GLIS3: variants seen among roughly 807,000 people sequenced by gnomAD.
GLIS3 encodes the protein zinc finger protein GLIS3.
Under a neutral mutation model 78.6 loss-of-function variants are expected in GLIS3, and 53 were observed. The ratio of observed to expected loss-of-function variants is 0.67; its 90% CI spans 0.54 to 0.85. The LOEUF (loss-of-function observed/expected upper bound fraction) is 0.85, where lower values mean the gene tolerates loss of function less well. Ranked by LOEUF, GLIS3 falls within the 40% of genes least tolerant of loss-of-function variation. GLIS3 has a pLI of 0.00. For missense variants in GLIS3, 1,703 were observed against 1,231.1 expected, an observed-to-expected ratio of 1.38 and a Z score of -5.74; for synonymous variants, 684 against 509.9, an observed-to-expected ratio of 1.34 and a Z score of -4.60.
chr9:3,980,751 G>C (rs1819198734), intron 4 of GLIS3, among the ~76,000 whole-genome samples: 1 of 152,118 alleles, frequency 6.6e-6, no homozygotes, highest in African/African-American at 2.4e-5. Context: ...AGAAAGTATT[G>C]CTCTTGGCCC....
intron 2 of GLIS3, among the ~76,000 whole-genome samples, chr9:4,313,787 C>T (rs1321642103): frequency 6.6e-6 from 1 of 152,346 alleles, no homozygotes; most frequent in Admixed American, 6.5e-5. Context: ...GTCTCAAGTG[C>T]ACGTGGACTT....
At chr9:4,416,812 GTT>G in the GLIS3 span, among the ~76,000 whole-genome samples, 58 of 95,802 alleles carry the variant, frequency 6.1e-4, no homozygotes, top group South Asian at 2.7e-3. Flanking sequence ...CCCATAGTCA[GTT>G]TTTTTTTTTT....
chr9:3,999,272 G>C (rs1820963284), intron 4 of GLIS3, among the ~76,000 whole-genome samples: 1 of 152,152 alleles, frequency 6.6e-6, no homozygotes, highest in Admixed American at 6.6e-5. Flanking sequence ...ATTTGTAGAG[G>C]TGTTTCATCA....
the GLIS3 span, among the ~76,000 whole-genome samples, chr9:4,450,106 A>C: frequency 6.6e-6 from 1 of 152,206 alleles, no homozygotes; most frequent in South Asian, 2.1e-4. Flanking sequence ...TTGAAAAAAG[A>C]TAAGATGAAT....
At chr9:3,991,904 A>T (rs963161445) in intron 4 of GLIS3, among the ~76,000 whole-genome samples, 19 of 151,852 alleles carry the variant, frequency 1.3e-4, no homozygotes, top group South Asian at 2.1e-4. Flanking sequence ...ATTGGCCAGG[A>T]CAGTCTTGAT....
At chr9:4,027,417 G>C (rs1823437575) in intron 4 of GLIS3, among the ~76,000 whole-genome samples, 1 of 152,170 alleles carries the variant, frequency 6.6e-6, no homozygotes, top group Non-Finnish European at 1.5e-5. Flanking sequence ...TTTGGTAAAG[G>C]ACAATCAGTT....
At chr9:4,434,113 G>C in the GLIS3 span, among the ~76,000 whole-genome samples, 1 of 126,344 alleles carries the variant, frequency 7.9e-6, no homozygotes. Context: ...AAAAAAAAAA[G>C]AATGGTCTAC....
intron 2 of GLIS3, among the ~76,000 whole-genome samples, chr9:4,231,392 A>C (rs945012495): frequency 3.3e-5 from 5 of 152,212 alleles, no homozygotes; most frequent in African/African-American, 4.8e-5. Flanking sequence ...GTTCGGTTGA[A>C]AGGCCTGTAA....
the GLIS3 span, among the ~76,000 whole-genome samples, chr9:4,455,907 G>C: frequency 6.6e-6 from 1 of 152,128 alleles, no homozygotes; most frequent in South Asian, 2.1e-4. Flanking sequence ...GAAATTAGGA[G>C]TTCAAGACCA....
At chr9:3,993,754 A>G (rs903114073) in intron 4 of GLIS3, among the ~76,000 whole-genome samples, 8 of 152,248 alleles carry the variant, frequency 5.3e-5, no homozygotes, top group African/African-American at 1.4e-4. Context: ...GCAAATGGCT[A>G]TACCATAATT....
At chr9:4,327,151 T>G (rs1817612997) in intron 2 of GLIS3, among the ~76,000 whole-genome samples, 1 of 151,896 alleles carries the variant, frequency 6.6e-6, no homozygotes, top group South Asian at 2.1e-4. Context: ...AATGATGCAG[T>G]TGGTGTAGAG....
the GLIS3 span, among the ~76,000 whole-genome samples, chr9:4,367,699 C>A: frequency 6.8e-6 from 1 of 147,014 alleles, no homozygotes; most frequent in East Asian, 2.0e-4. Flanking sequence ...CTGTCATTTA[C>A]CTCCTTATCC....
At chr9:4,035,906 T>C (rs575586025) in intron 4 of GLIS3, 1 of 152,380 alleles carries the variant, frequency 6.6e-6, no homozygotes, top group Non-Finnish European at 1.5e-5. Context: ...TCTATCCATT[T>C]ACTCAAGGCT....
At chr9:4,088,069 G>A (rs16920612) in intron 4 of GLIS3, among the ~76,000 whole-genome samples, 23,892 of 152,200 alleles carry the variant, frequency 0.16, 2,167 homozygotes, top group African/African-American at 0.25. Flanking sequence ...AAGGTGTGAG[G>A]ATAGCCATGG....
intron 2 of GLIS3, among the ~76,000 whole-genome samples, chr9:4,165,252 C>T (rs1030365057): frequency 3.3e-5 from 5 of 152,114 alleles, no homozygotes; most frequent in Non-Finnish European, 7.4e-5. Flanking sequence ...ACCAGCCTGG[C>T]CAACATGGTG....
chr9:4,186,628 G>A (rs1435652142), intron 2 of GLIS3, among the ~76,000 whole-genome samples: 1 of 151,136 alleles, frequency 6.6e-6, no homozygotes, highest in Non-Finnish European at 1.5e-5. Flanking sequence ...GTGTAAAAGT[G>A]TTCCTATTTC....
At chr9:3,876,962 T>C (rs1286691274) in intron 8 of GLIS3, among the ~76,000 whole-genome samples, 1 of 152,064 alleles carries the variant, frequency 6.6e-6, no homozygotes. Context: ...TGTGATATTG[T>C]TGTCTTTGAC....
chr9:4,351,209 C>G (rs1729834577), upstream of GLIS3, among the ~76,000 whole-genome samples: 1 of 152,064 alleles, frequency 6.6e-6, no homozygotes, highest in African/African-American at 2.4e-5. Flanking sequence ...GGCCACTGCA[C>G]TCCAGCCTGG....
At chr9:4,427,462 T>C in the GLIS3 span, among the ~76,000 whole-genome samples, 1 of 152,170 alleles carries the variant, frequency 6.6e-6, no homozygotes, top group African/African-American at 2.4e-5. Flanking sequence ...ACCCAGGATG[T>C]ATACACACTC....
Sources: gnomAD v4.1 joint callset for allele counts (sites outside exome capture counted in the v4.1 genomes callset) on GRCh38, gnomAD v4.1.1 for gene constraint, MANE v1.5 for transcripts, NCBI Gene and HGNC (gene_info 2026-07-23, HGNC 2026-07-21) for gene names.